SLC4A2: variants seen among roughly 807,000 people sequenced by gnomAD.
The protein encoded by SLC4A2 is anion exchange protein 2.
SLC4A2 carries 36 observed loss-of-function variants against 115.0 expected under a neutral mutation model. The observed-to-expected ratio is 0.31, with a 90% confidence interval of 0.24 to 0.41. The LOEUF (loss-of-function observed/expected upper bound fraction) is 0.41, where lower values mean the gene tolerates loss of function less well. Ranked by LOEUF, SLC4A2 falls within the 10% of genes least tolerant of loss-of-function variation. SLC4A2 has a pLI of 1.00. For synonymous variants in SLC4A2, 708 were observed against 708.3 expected (o/e 1.00, Z 0.01); for missense variants, 1,252 against 1,705.6 (o/e 0.73, Z 4.68).
Position 151,075,422 on chromosome 7 carries a change from G to A in SLC4A2, c.3215G>A (p.Ser1072Asn). Residue 1072 changes from serine (S) to asparagine (N), a missense_variant, in exon 20 of 23, where the codon AGC becomes AAC. By Grantham distance (46) the Ser-to-Asn change is conservative. Transcript: ENST00000413384. The stretch of plus-strand genomic sequence containing the variant: ...CACGCCAACGCGCTCACTGTCATGA[G>A]CAAGGCTGTGGCACCTGGGGACAAG... ...VTHANALTVM[S>N]KAVAPGDKPK... 6.2e-7 allele frequency: 1 copy of A among 1,607,214 alleles called. No individual in the cohort carries two copies. The highest frequency in any genetic ancestry group is 8.5e-7 in the Non-Finnish European group (1 of 1,180,000).
At chr7:151,059,535 C>CTCCCGCCTCCGCT (rs1796977618), upstream of SLC4A2, 1 of 151,436 alleles carries the variant, frequency 6.6e-6, no homozygotes, top group Admixed American at 6.6e-5. The surrounding 1 kb of genome is among the most constrained non-coding windows in gnomAD (Gnocchi z 5.8). Context: ...CCGGCCCCCG[C>CTCCCGCCTCCGCT]TCCCGCCTCC....
chr7:151,069,817 C>T, intron 8 of SLC4A2, 130 bp from the exon 9 acceptor site: 2 of 1,060,802 alleles, frequency 1.9e-6, no homozygotes, highest in Non-Finnish European at 2.9e-6. Flanking sequence ...GAGCCCGCGT[C>T]CTTCATGTGT....
At position 151,071,191 on chromosome 7, in the gene SLC4A2, G is replaced by A. The variant is rs1584994588; in HGVS notation, c.1869G>A (p.Leu623=). ...CAGAAGTGCAGGGCGAGGAGCTGCTGCGCTCTGTGGCCCACTTCCAGCGCC... is the reference window on the plus strand; with the variant it reads ...CAGAAGTGCAGGGCGAGGAGCTGCTACGCTCTGTGGCCCACTTCCAGCGCC... ...PPSEVQGEEL[L]RSVAHFQRQM... is the part of the protein sequence containing the mutation. Residue 623 remains leucine, a synonymous_variant, in exon 13 of 23, where the codon CTG becomes CTA. Transcript: ENST00000413384. The surrounding 1 kb of genome is among the most constrained non-coding windows in gnomAD (Gnocchi z 5.5). 2 of 1,607,240 alleles carry A rather than the reference G, an allele frequency of 1.2e-6. No individual in the cohort carries two copies. The highest frequency in any genetic ancestry group is 1.7e-6 in the Non-Finnish European group (2 of 1,177,424).
In SLC4A2 at chr7:151,071,050, C is replaced by T. The variant is rs758294803; in HGVS notation, c.1750-22C>T. On this transcript the variant is annotated intron_variant, in intron 12 of 22. Transcript: ENST00000413384. The surrounding 1 kb of genome is among the most constrained non-coding windows in gnomAD (Gnocchi z 5.5). ...CAGCCCTCTTCTTTGTGCTCTCCCC[C>T]ATCCCCATGCTGCTTTGGCAGCAAT... is the stretch of plus-strand genomic sequence containing the variant. 8.1e-6 allele frequency: 13 copies of T among 1,611,324 alleles called. No individual in the cohort carries two copies. Among genetic ancestry groups the T allele is most frequent in the African/African-American group, 6.7e-5 (5 of 74,916 alleles).
intron 19 of SLC4A2, 88 bp from the exon 20 acceptor site, chr7:151,075,167 G>A (rs1480126235): frequency 6.5e-7 from 1 of 1,547,910 alleles, no homozygotes; most frequent in Non-Finnish European, 8.8e-7. Context: ...AAGCCAGATG[G>A]AGGGACTGGC....
chr7:151,063,021 G>A lies in SLC4A2; in HGVS notation c.51+983G>A, dbSNP rs1797104863. 6 of 1,460,016 alleles carry A rather than the reference G, an allele frequency of 4.1e-6. No individual in the cohort carries two copies. In the South Asian group the frequency reaches 6.8e-5, roughly 17 times the overall value. The allele number at this position is 1,460,016 out of a possible 1,614,324, so 90.4% of individuals were successfully genotyped here. ...ATGCCCTTCAGGTCCAGAAGCTCTT[G>A]AGCAAATATTTGGCGGCGCCTGGAG... is the stretch of plus-strand genomic sequence containing the variant. On this transcript the variant is annotated intron_variant, in intron 2 of 22. Coordinates refer to ENST00000413384, the MANE Select transcript of SLC4A2 (RefSeq NM_003040.4).
At chr7:151,075,159 G>T (rs1317965003) in intron 19 of SLC4A2, 96 bp from the exon 20 acceptor site, 2 of 1,530,932 alleles carry the variant, frequency 1.3e-6, no homozygotes, top group Non-Finnish European at 8.9e-7. Flanking sequence ...AGGTTCCAAA[G>T]CCAGATGGAG....
chr7:151,070,768 C>T lies in SLC4A2; in HGVS notation c.1606C>T (p.Arg536Trp), dbSNP rs764697554. ...CTCCCGCCCCACCATGGCCTTTGTGCGGCTCCGGGAGGCTGTGGAGTTGGA... is the reference window on the plus strand; with the variant it reads ...CTCCCGCCCCACCATGGCCTTTGTGTGGCTCCGGGAGGCTGTGGAGTTGGA... The part of the protein sequence containing the change: ...FLSRPTMAFV[R>W]LREAVELDAV... The change falls in exon 12 of 23, where the codon CGG becomes TGG. Residue 536 changes from arginine to tryptophan, a missense_variant. Physicochemically the swap from Arg to Trp is moderately radical, Grantham distance 101 (BLOSUM62 -3). Coordinates refer to ENST00000413384, the MANE Select transcript of SLC4A2 (RefSeq NM_003040.4). 1 of 1,613,850 alleles carries T rather than the reference C, an allele frequency of 6.2e-7. No homozygotes were observed. The highest frequency in any genetic ancestry group is 1.7e-5 in the Admixed American group (1 of 60,014).
At chr7:151,069,054 G>A (rs1364597215) in intron 8 of SLC4A2, among the ~76,000 whole-genome samples, 1 of 148,072 alleles carries the variant, frequency 6.8e-6, no homozygotes, top group Non-Finnish European at 1.5e-5. Flanking sequence ...CAGGAGAATG[G>A]TGTGAACCTG....
At chr7:151,068,211 C>T (rs567715989) in intron 8 of SLC4A2, among the ~76,000 whole-genome samples, 157 bp downstream of exon 8, 89 of 152,372 alleles carry the variant, frequency 5.8e-4, no homozygotes, top group South Asian at 1.0e-3. Flanking sequence ...CGGCCAGCAG[C>T]TTCTTGATAT....
chr7:151,063,249 CG>C, intron 2 of SLC4A2: 1 of 158,896 alleles, frequency 6.3e-6, no homozygotes. Flanking sequence ...GGGCTCGGGC[CG>C]GGGGCCTGGG....
rs181516650 is a variant in SLC4A2, at chr7:151,069,350, T to C, written c.1148-597T>C. On this transcript the variant is annotated intron_variant, in intron 8 of 22. Transcript: ENST00000413384. ...ATTCTTTAGTCTTTGTTCCTGAAAGTTGGCCTTGCCAGATGAATGACCTGG... is the reference window on the plus strand; with the variant it reads ...ATTCTTTAGTCTTTGTTCCTGAAAGCTGGCCTTGCCAGATGAATGACCTGG... Among the ~76,000 whole-genome samples the C allele has an allele frequency of 1.2e-3, 190 of 152,204 alleles. 1 individual carries two copies. The highest frequency in any genetic ancestry group is 0.012 in the Admixed American group (190 of 15,296).
intron 18 of SLC4A2, 33 bp downstream of exon 18, chr7:151,074,521 T>A (rs780703703): frequency 1.2e-6 from 2 of 1,606,640 alleles, no homozygotes; most frequent in African/African-American, 2.7e-5. Flanking sequence ...CAAGTGCTGC[T>A]GCCTCTGCCA....
At chr7:151,066,086 G>A (rs1797218295) in intron 5 of SLC4A2, among the ~76,000 whole-genome samples, 2 of 152,184 alleles carry the variant, frequency 1.3e-5, no homozygotes, top group Non-Finnish European at 2.9e-5. Flanking sequence ...TGAGTCCCAT[G>A]TCTAGGGATG....
In SLC4A2 at chr7:151,073,289, T is replaced by TTATTTTATTTTATTTTATTTTATTG. The variant is rs59101471; in HGVS notation, c.2536-750_2536-749insTATTTTATTTTATTTTATTTTATTG. The stretch of plus-strand genomic sequence containing the variant: ...TTATTTTATTTTATTTTATTTTATT[T>TTATTTTATTTTATTTTATTTTATTG]GTTTATTTGTTTTTTGAGACAGAGT... On this transcript the variant is annotated intron_variant, in intron 16 of 22. Transcript: ENST00000413384. 3.0e-3 allele frequency among the ~76,000 whole-genome samples: 428 copies of TTATTTTATTTTATTTTATTTTATTG among 141,022 alleles called. 2 individuals are homozygous for TTATTTTATTTTATTTTATTTTATTG. Among genetic ancestry groups the TTATTTTATTTTATTTTATTTTATTG allele is most frequent in the African/African-American group, 0.01 (375 of 36,520 alleles). 92.5% of individuals were successfully genotyped at this position (141,022 alleles called of 152,430 possible). A position where few individuals can be genotyped will look rare whatever the true frequency, so the allele number is the denominator to read the frequency against.
rs775586576 is a variant in SLC4A2 at position 151,070,754 on chromosome 7, C to A, written c.1592C>A (p.Thr531Asn). Residue 531 changes from threonine (T) to asparagine (N), a missense_variant, in exon 12 of 23, where the codon ACC becomes AAC. Physicochemically the swap from Thr to Asn is moderately conservative, Grantham distance 65 (BLOSUM62 0). This residue lies in a region of SLC4A2 where 87 missense variants were observed against 170.3 expected (regional missense o/e 0.51). Coordinates refer to ENST00000413384, the MANE Select transcript of SLC4A2 (RefSeq NM_003040.4). ...TGCGTGGAGTTCCTCTCCCGCCCCA[C>A]CATGGCCTTTGTGCGGCTCCGGGAG... ...VGCVEFLSRPTMAFVRLREAV... is the reference protein window; with the variant it reads ...VGCVEFLSRPNMAFVRLREAV... 3.7e-6 allele frequency: 6 copies of A among 1,613,748 alleles called. No homozygotes were observed. The highest frequency in any genetic ancestry group is 5.1e-6 in the Non-Finnish European group (6 of 1,180,006).
Position 151,076,479 on chromosome 7 carries a change from C to A in SLC4A2, c.*112C>A, listed in dbSNP as rs1050734. The A allele has an allele frequency of 0.26, 238,624 of 908,234 alleles. 33,040 individuals carry two copies. Among genetic ancestry groups the A allele is most frequent in the Admixed American group, 0.44 (12,917 of 29,450 alleles). The allele number at this position is 908,234 out of a possible 1,614,324, so 56.3% of individuals were successfully genotyped here. The stretch of plus-strand genomic sequence containing the variant: ...TTTATTTAAGTGAATAATTTAAAGT[C>A]TTCTCCTCCCCCACTGCCCCTGCAG... On this transcript the variant is annotated 3_prime_UTR_variant, in exon 23 of 23. Coordinates refer to ENST00000413384, the MANE Select transcript of SLC4A2 (RefSeq NM_003040.4).
upstream of SLC4A2, chr7:151,059,503 T>C (rs1420068859): frequency 6.6e-6 from 1 of 150,740 alleles, no homozygotes; most frequent in East Asian, 2.0e-4. The surrounding 1 kb of genome is among the most constrained non-coding windows in gnomAD (Gnocchi z 5.8). Context: ...TGCCGGGCTG[T>C]GCCTGGAAGC....
intron 5 of SLC4A2, among the ~76,000 whole-genome samples, chr7:151,065,582 A>T (rs1316689986): frequency 6.6e-6 from 1 of 152,192 alleles, no homozygotes; most frequent in Non-Finnish European, 1.5e-5. Flanking sequence ...GGTCACTACT[A>T]TCACGGACCT....
Sources: allele counts gnomAD v4.1 joint callset (sites outside exome capture counted in the v4.1 genomes callset), GRCh38; gene constraint gnomAD v4.1.1; regional missense constraint gnomAD v4.1.1; non-coding constraint Gnocchi (gnomAD v3.1); transcripts MANE v1.5; gene names NCBI Gene and HGNC (gene_info 2026-07-23, HGNC 2026-07-21).